AHRR: variants seen among roughly 807,000 people sequenced by gnomAD.
AHRR encodes aryl hydrocarbon receptor repressor.
AHRR carries 28 observed loss-of-function variants against 44.0 expected under a neutral mutation model. That is an observed-to-expected ratio of 0.64 (90% CI 0.47 to 0.87). AHRR has a LOEUF of 0.87. Ranked by LOEUF, AHRR falls within the 40% of genes least tolerant of loss-of-function variation. The probability of loss-of-function intolerance (pLI) is 0.00; values close to 1 mark genes in which losing one functional copy is unlikely to be tolerated. For missense variants in AHRR, 990 were observed against 953.9 expected, an observed-to-expected ratio of 1.04 and a Z score of -0.50; for synonymous variants, 434 against 407.0, an observed-to-expected ratio of 1.07 and a Z score of -0.80.
In AHRR at chr5:406,164, C is replaced by T. The variant is rs1246632006; in HGVS notation, c.352-7180C>T. 6.6e-6 allele frequency among the ~76,000 whole-genome samples: 1 copy of T among 152,236 alleles called. No homozygotes were observed. The highest frequency in any genetic ancestry group is 2.4e-5 in the African/African-American group (1 of 41,470). On this transcript the variant is annotated intron_variant, in intron 4 of 10. Coordinates refer to ENST00000684583, the MANE Select transcript of AHRR (RefSeq NM_001377236.1). This position sits in a 1 kb window ranked among gnomAD's most constrained non-coding sequence, Gnocchi z 4.7. Reference sequence around the variant, plus strand: ...AGCCTCTTGCAGTGTGGATGGGAACCTGCCACAGCTGGGCTTGGGCGAGGG... The same window carrying T: ...AGCCTCTTGCAGTGTGGATGGGAACTTGCCACAGCTGGGCTTGGGCGAGGG...
intron 3 of AHRR, among the ~76,000 whole-genome samples, chr5:367,043 G>A (rs192433325): frequency 3.2e-4 from 49 of 152,352 alleles, no homozygotes; most frequent in Admixed American, 1.6e-3. Flanking sequence ...AGGGGTATCT[G>A]GGTGCTTTAT....
chr5:356,442 A>G (rs1263576802), intron 3 of AHRR, among the ~76,000 whole-genome samples: 2 of 152,186 alleles, frequency 1.3e-5, no homozygotes, highest in African/African-American at 4.8e-5. Context: ...GTTTGCCAGG[A>G]CCCCTGCAGT....
intron 5 of AHRR, chr5:421,425 A>C: frequency 3.6e-6 from 2 of 549,686 alleles, no homozygotes; most frequent in East Asian, 6.8e-5. Flanking sequence ...CACAGGCAGA[A>C]GCAGCCTCGC....
At chr5:420,860 G>A (rs1736063567) in intron 5 of AHRR, 4 of 334,212 alleles carry the variant, frequency 1.2e-5, no homozygotes, top group Non-Finnish European at 2.3e-5. Flanking sequence ...ACCCACGCAC[G>A]CAGCCACCCA....
intron 1 of AHRR, among the ~76,000 whole-genome samples, chr5:322,101 C>G (rs755814641): frequency 6.6e-5 from 10 of 151,946 alleles, no homozygotes; most frequent in Non-Finnish European, 1.0e-4. Context: ...CTTCACTCCC[C>G]GGGCGTTCCG....
intron 5 of AHRR, among the ~76,000 whole-genome samples, chr5:413,696 TCTC>T (rs1283315765): frequency 6.6e-6 from 1 of 152,092 alleles, no homozygotes; most frequent in African/African-American, 2.4e-5. Flanking sequence ...GGCAGCATGG[TCTC>T]CTCTGGCTCA....
At chr5:413,106 A>G (rs1333193339) in intron 4 of AHRR, among the ~76,000 whole-genome samples, 1 of 152,204 alleles carries the variant, frequency 6.6e-6, no homozygotes, top group African/African-American at 2.4e-5. Context: ...CAAGGTGCAC[A>G]TAATTTTATA....
rs564282764 is a variant in AHRR, at chr5:370,709, G to A, written c.245-5901G>A. On this transcript the variant is annotated intron_variant, in intron 3 of 10. Transcript: ENST00000684583. This position sits in a 1 kb window ranked among gnomAD's most constrained non-coding sequence, Gnocchi z 4.5. ...TGGGGTTGGGGACAGGTCTCGGGAA[G>A]GCACAGGTGACAGTGTGGGGTGGAG... Among the ~76,000 whole-genome samples, 8 of 150,772 alleles carry A rather than the reference G, an allele frequency of 5.3e-5. No homozygotes were observed. The East Asian group carries it at 1.6e-3, about 30-fold the overall frequency.
At chr5:415,030 C>G (rs115313441) in intron 5 of AHRR, among the ~76,000 whole-genome samples, 2 of 152,212 alleles carry the variant, frequency 1.3e-5, no homozygotes, top group Admixed American at 1.3e-4. Context: ...CTCAGTGGCA[C>G]GGGGTGGGGC....
chr5:434,236 G>C lies in AHRR; in HGVS notation c.1496G>C (p.Arg499Pro), dbSNP rs755562732. 1 of 1,592,136 alleles carries C rather than the reference G, an allele frequency of 6.3e-7. No homozygotes were observed. Among genetic ancestry groups the C allele is most frequent in the Non-Finnish European group, 8.6e-7 (1 of 1,169,070 alleles). Residue 499 changes from arginine (R) to proline (P), a missense_variant, in exon 11 of 11, where the codon CGT (arginine) becomes CCT (proline). Coordinates refer to ENST00000684583, the MANE Select transcript of AHRR (RefSeq NM_001377236.1). Reference protein sequence around the residue: ...QHQLPQPGAQRFATRGYPMED... With the variant: ...QHQLPQPGAQPFATRGYPMED... ...CAGCTCCCTCAGCCTGGAGCTCAGCGTTTTGCCACGAGGGGCTATCCCATG... is the reference window on the plus strand; with the variant it reads ...CAGCTCCCTCAGCCTGGAGCTCAGCCTTTTGCCACGAGGGGCTATCCCATG...
At chr5:372,610 T>C (rs955445622) in intron 3 of AHRR, among the ~76,000 whole-genome samples, 20 of 151,976 alleles carry the variant, frequency 1.3e-4, no homozygotes, top group African/African-American at 3.9e-4. Flanking sequence ...AGGGCTGGGG[T>C]GCGTGATCTC....
At position 434,284 on chromosome 5, in the gene AHRR, T is replaced by C; in HGVS notation, c.1544T>C (p.Val515Ala). ...ATGGAGGACATGAAGCTGCAAGGTG[T>C]ACCGATGCCTCCGGGGGACCTGTGT... The part of the protein sequence containing the change: ...YPMEDMKLQG[V>A]PMPPGDLCGP... The change falls in exon 11 of 11, where the codon GTA becomes GCA. Residue 515 changes from valine to alanine, a missense_variant. By Grantham distance (64) the Val-to-Ala change is moderately conservative. Coordinates refer to ENST00000684583, the MANE Select transcript of AHRR (RefSeq NM_001377236.1). The C allele has an allele frequency of 6.2e-7, 1 of 1,607,316 alleles. No individual in the cohort carries two copies. The highest frequency in any genetic ancestry group is 8.5e-7 in the Non-Finnish European group (1 of 1,176,642).
chr5:351,839 C>T (rs1165886284), intron 2 of AHRR, among the ~76,000 whole-genome samples: 1 of 152,202 alleles, frequency 6.6e-6, no homozygotes, highest in South Asian at 2.1e-4. Context: ...GGAGTTTGTG[C>T]CGCAGAGTTC....
Position 326,837 on chromosome 5 carries a change from T to G in AHRR, c.-11+5018T>G, listed in dbSNP as rs570190365. On this transcript the variant is annotated intron_variant, in intron 1 of 10. Transcript: ENST00000684583. The surrounding 1 kb of genome is among the most constrained non-coding windows in gnomAD (Gnocchi z 4.1). ...ACTTTGGGAGGCTGAGGCAGGCGGA[T>G]CACTTGAGGTCGGGAGTTCGAGACC... Among the ~76,000 whole-genome samples, 12 of 152,250 alleles carry G rather than the reference T, an allele frequency of 7.9e-5. No individual in the cohort carries two copies. Among genetic ancestry groups the G allele is most frequent in the African/African-American group, 2.6e-4 (11 of 41,546 alleles).
intron 2 of AHRR, among the ~76,000 whole-genome samples, chr5:348,494 G>A (rs940970770): frequency 6.6e-6 from 1 of 152,140 alleles, no homozygotes; most frequent in Non-Finnish European, 1.5e-5. Flanking sequence ...ATCACTCCAC[G>A]AGCTTCTTTG....
intron 5 of AHRR, chr5:420,921 C>G (rs1358275601): frequency 1.8e-5 from 6 of 341,518 alleles, no homozygotes; most frequent in Non-Finnish European, 2.8e-5. Flanking sequence ...CATCCAGGCA[C>G]GCACACGCAG....
intron 4 of AHRR, among the ~76,000 whole-genome samples, chr5:384,229 T>C (rs981088559): frequency 1.3e-5 from 2 of 152,332 alleles, no homozygotes; most frequent in South Asian, 4.1e-4. Flanking sequence ...TTTTAGCTTA[T>C]CTATTCGCTT....
intron 4 of AHRR, among the ~76,000 whole-genome samples, chr5:390,190 G>A (rs941063184): frequency 5.9e-5 from 9 of 152,160 alleles, no homozygotes; most frequent in Non-Finnish European, 7.3e-5. Context: ...TAAAAATAAC[G>A]AAGAGTGTGA....
chr5:416,825 A>C (rs1029591223), intron 5 of AHRR, among the ~76,000 whole-genome samples: 2 of 152,240 alleles, frequency 1.3e-5, no homozygotes, highest in African/African-American at 4.8e-5. Context: ...TGACTTTGTC[A>C]ACTTAAACAG....
Sources: gnomAD v4.1 joint callset for allele counts (sites outside exome capture counted in the v4.1 genomes callset) on GRCh38, gnomAD v4.1.1 for gene constraint, Gnocchi (gnomAD v3.1) non-coding constraint, MANE v1.5 for transcripts, NCBI Gene and HGNC (gene_info 2026-07-23, HGNC 2026-07-21) for gene names.